Variants in LMX1B observed in about 807,000 individuals in gnomAD.
LMX1B encodes the protein LIM homeobox transcription factor 1 beta.
In LMX1B, 12 loss-of-function variants were observed where a neutral mutation model predicts 51.4. That is an observed-to-expected ratio of 0.23 (90% confidence interval 0.15 to 0.38). LMX1B has a LOEUF of 0.38. Among genes scored for constraint, LMX1B ranks in the 10% least tolerant of loss-of-function variants. The pLI is 1.00. For missense variants in LMX1B, 445 were observed against 571.1 expected, an observed-to-expected ratio of 0.78 and a Z score of 2.25; for synonymous variants, 237 against 235.4, an observed-to-expected ratio of 1.01 and a Z score of -0.06.
chr9:126,654,690 GA>G (rs1340869844), intron 2 of LMX1B, among the ~76,000 whole-genome samples: 1 of 152,234 alleles, frequency 6.6e-6, no homozygotes, highest in Non-Finnish European at 1.5e-5. Flanking sequence ...CCTGGCTCTA[GA>G]GAAGGAAACG....
chr9:126,631,571 TG>T (rs1809707259), intron 2 of LMX1B, among the ~76,000 whole-genome samples: 2 of 144,154 alleles, frequency 1.4e-5, no homozygotes, highest in Non-Finnish European at 3.0e-5. Context: ...AGTGGGTGGG[TG>T]GGGTGAGGTG....
intron 2 of LMX1B, among the ~76,000 whole-genome samples, chr9:126,629,051 T>C (rs775613933): frequency 6.6e-6 from 1 of 152,020 alleles, no homozygotes; most frequent in Non-Finnish European, 1.5e-5. Flanking sequence ...AAAATAGTTA[T>C]GACCACAAAA....
At chr9:126,696,107 G>A in intron 7 of LMX1B, 104 bp downstream of exon 7, 1 of 1,241,590 alleles carries the variant, frequency 8.1e-7, no homozygotes, top group Non-Finnish European at 1.1e-6. Flanking sequence ...CTAGGGCTCA[G>A]GCAGCATGGC....
intron 2 of LMX1B, among the ~76,000 whole-genome samples, chr9:126,683,063 C>G (rs1181483529): frequency 2.0e-5 from 3 of 151,466 alleles, no homozygotes. Context: ...GGGCTCCCGA[C>G]AGCGCCCCTG....
intron 2 of LMX1B, among the ~76,000 whole-genome samples, chr9:126,685,890 C>T (rs1836758571): frequency 6.6e-6 from 1 of 152,056 alleles, no homozygotes; most frequent in African/African-American, 2.4e-5. Flanking sequence ...TGCAAGATTC[C>T]AGTGCTAGGA....
At chr9:126,665,959 T>C (rs1445763710) in intron 2 of LMX1B, among the ~76,000 whole-genome samples, 1 of 152,242 alleles carries the variant, frequency 6.6e-6, no homozygotes, top group Non-Finnish European at 1.5e-5. Flanking sequence ...GGCTGAGATG[T>C]GCTGGTGAAC....
chr9:126,652,563 G>A (rs756000881), intron 2 of LMX1B, among the ~76,000 whole-genome samples: 4 of 152,244 alleles, frequency 2.6e-5, no homozygotes, highest in African/African-American at 7.2e-5. Context: ...TCTGTCCTCC[G>A]TGTGTACACA....
At chr9:126,636,610 C>T (rs565117809) in intron 2 of LMX1B, among the ~76,000 whole-genome samples, 1 of 151,894 alleles carries the variant, frequency 6.6e-6, no homozygotes, top group African/African-American at 2.4e-5. Context: ...TGGATGGAGG[C>T]TGTGGACACG....
intron 2 of LMX1B, among the ~76,000 whole-genome samples, chr9:126,644,784 G>A (rs775836126): frequency 2.0e-5 from 3 of 152,188 alleles, no homozygotes; most frequent in Non-Finnish European, 2.9e-5. Flanking sequence ...GTAGTCGGGG[G>A]TTGAAGCTGA....
At chr9:126,616,798 C>T (rs1299230756) in intron 2 of LMX1B, among the ~76,000 whole-genome samples, 5 of 152,230 alleles carry the variant, frequency 3.3e-5, no homozygotes, top group African/African-American at 9.6e-5. Context: ...GGCCTGGAAA[C>T]AGTGCAGGCC....
intron 2 of LMX1B, among the ~76,000 whole-genome samples, chr9:126,655,239 C>T (rs956027240): frequency 1.1e-4 from 17 of 152,266 alleles, no homozygotes; most frequent in Admixed American, 3.9e-4. Context: ...CACTGCTTGG[C>T]CTCAGAGGCC....
At chr9:126,696,034 C>CCCCCCAA in intron 7 of LMX1B, 31 bp downstream of exon 7, 1 of 1,443,256 alleles carries the variant, frequency 6.9e-7, no homozygotes. Context: ...CCGCCCGCCC[C>CCCCCCAA]AGCACAGCCC....
chr9:126,617,781 G>A (rs578218668), intron 2 of LMX1B, among the ~76,000 whole-genome samples: 1 of 152,180 alleles, frequency 6.6e-6, no homozygotes, highest in Admixed American at 6.5e-5. Flanking sequence ...GGATCCTGTG[G>A]GGCTGAAGCC....
intron 2 of LMX1B, among the ~76,000 whole-genome samples, chr9:126,616,835 T>A (rs1335449195): frequency 6.6e-6 from 1 of 152,246 alleles, no homozygotes; most frequent in East Asian, 1.9e-4. Context: ...CATCGGATTC[T>A]ACCCCAAAAG....
Position 126,682,619 on chromosome 9 carries a change from G to A in LMX1B, c.327-8217G>A, listed in dbSNP as rs535244114. On this transcript the variant is annotated intron_variant, in intron 2 of 7. Coordinates refer to ENST00000373474, the MANE Select transcript of LMX1B (RefSeq NM_001174147.2). Reference sequence around the variant, plus strand: ...ACGCTAAAGAAATATTTGTGGGGCCGTGTGCGGTGGCTCACGCCTGTAATC... The same window carrying A: ...ACGCTAAAGAAATATTTGTGGGGCCATGTGCGGTGGCTCACGCCTGTAATC... Among the ~76,000 whole-genome samples the A allele has an allele frequency of 6.5e-4, 99 of 152,278 alleles. 1 individual carries two copies. Among genetic ancestry groups the A allele is most frequent in the Non-Finnish European group, 5.9e-4 (40 of 68,010 alleles).
chr9:126,663,423 CAA>C (rs58849866), intron 2 of LMX1B, among the ~76,000 whole-genome samples: 13 of 112,698 alleles, frequency 1.2e-4, no homozygotes, highest in African/African-American at 2.7e-4. Context: ...GACTCTTTCT[CAA>C]AAAAAAAAAA....
At chr9:126,621,544 G>A (rs1335912765) in intron 2 of LMX1B, among the ~76,000 whole-genome samples, 3 of 152,072 alleles carry the variant, frequency 2.0e-5, no homozygotes, top group Admixed American at 1.3e-4. Context: ...CCATTTCATC[G>A]ACCGGCTGGT....
rs1554727595 is a variant in LMX1B at position 126,681,467 on chromosome 9, G to GT, written c.327-9369_327-9368insT. ...CGTCCTTTCTCCCACGTCCTCTCAG[G>GT]CCCTGTCTGCCTTCACAAGGCTTCC... On this transcript the variant is annotated intron_variant, in intron 2 of 7. Transcript: ENST00000373474. Among the ~76,000 whole-genome samples, 6 of 151,834 alleles carry GT rather than the reference G, an allele frequency of 4.0e-5. 1 individual carries two copies. The highest frequency in any genetic ancestry group is 1.5e-4 in the African/African-American group (6 of 41,372).
At chr9:126,694,803 C>T (rs2030267726) in intron 6 of LMX1B, among the ~76,000 whole-genome samples, 1 of 152,162 alleles carries the variant, frequency 6.6e-6, no homozygotes, top group African/African-American at 2.4e-5. Context: ...TCTGGTCTCC[C>T]AGCCATGTCC....
Sources: gnomAD v4.1 joint callset for allele counts (sites outside exome capture counted in the v4.1 genomes callset) on GRCh38, gnomAD v4.1.1 for gene constraint, MANE v1.5 for transcripts, NCBI Gene and HGNC (gene_info 2026-07-23, HGNC 2026-07-21) for gene names.